FMN2: variants seen among roughly 807,000 people sequenced by gnomAD.
FMN2 encodes the protein formin 2, also known as formin-2.
A neutral mutation model predicts 142.3 loss-of-function variants in FMN2; 51 were observed. The observed-to-expected ratio is 0.36, with a 90% CI of 0.29 to 0.45. The LOEUF is 0.45. Ranked by LOEUF, FMN2 falls within the 20% of genes least tolerant of loss-of-function variation. The pLI is 1.00. For synonymous variants in FMN2, 882 were observed against 869.8 expected, an observed-to-expected ratio of 1.01 and a Z score of -0.25; for missense variants, 1,936 against 2,122.8, an observed-to-expected ratio of 0.91 and a Z score of 1.73.
chr1:240,356,150 T>C (rs1672265578), intron 14 of FMN2, among the ~76,000 whole-genome samples: 1 of 152,152 alleles, frequency 6.6e-6, no homozygotes, highest in Non-Finnish European at 1.5e-5. Flanking sequence ...GTTTGTTTGC[T>C]TGCATGACAG....
At chr1:240,441,145 C>T (rs1023736773) in intron 16 of FMN2, among the ~76,000 whole-genome samples, 12 of 151,996 alleles carry the variant, frequency 7.9e-5, no homozygotes, top group African/African-American at 2.9e-4. Context: ...CAGGTGCCCG[C>T]CTCCATGCCC....
In FMN2 at chr1:240,091,968, G is replaced by T; in HGVS notation, c.-142G>T. The T allele has an allele frequency of 7.6e-7, 1 of 1,322,146 alleles. No homozygotes were observed. Among genetic ancestry groups the T allele is most frequent in the Non-Finnish European group, 9.7e-7 (1 of 1,026,020 alleles). 81.9% of individuals were successfully genotyped at this position (1,322,146 alleles called of 1,614,324 possible). Reference sequence around the variant, plus strand: ...CAGATGCGAGCGGGGCCAGCCGGGCGCGCGTCGGCCTCCCCTCCCAGCGGC... The same window carrying T: ...CAGATGCGAGCGGGGCCAGCCGGGCTCGCGTCGGCCTCCCCTCCCAGCGGC... On this transcript the variant is annotated 5_prime_UTR_variant, in exon 1 of 18. Coordinates refer to ENST00000319653, the MANE Select transcript of FMN2 (RefSeq NM_020066.5).
At chr1:240,417,431 GGTTTT>G (rs927599024) in intron 15 of FMN2, among the ~76,000 whole-genome samples, 6 of 151,624 alleles carry the variant, frequency 4.0e-5, no homozygotes, top group Admixed American at 6.6e-5. Context: ...AGCTTGAGAG[GGTTTT>G]GTTTTGTTTT....
chr1:240,193,248 T>C (rs1665780820), intron 4 of FMN2, among the ~76,000 whole-genome samples: 1 of 152,190 alleles, frequency 6.6e-6, no homozygotes, highest in South Asian at 2.1e-4. Context: ...TTGTCCTTTA[T>C]TGAACATCTG....
intron 6 of FMN2, among the ~76,000 whole-genome samples, chr1:240,217,896 A>C (rs1235602618): frequency 6.6e-6 from 1 of 152,132 alleles, no homozygotes; most frequent in African/African-American, 2.4e-5. Flanking sequence ...ATATTAGGGA[A>C]ATTATATTTA....
At chr1:240,231,775 T>A (rs1558382577) in intron 6 of FMN2, among the ~76,000 whole-genome samples, 1 of 152,254 alleles carries the variant, frequency 6.6e-6, no homozygotes, top group Non-Finnish European at 1.5e-5. Context: ...GGGTTTATGT[T>A]ATTTAATAAA....
intron 15 of FMN2, among the ~76,000 whole-genome samples, chr1:240,431,425 C>CAT (rs1675172292): frequency 2.9e-4 from 36 of 122,668 alleles, no homozygotes; most frequent in African/African-American, 1.3e-3. Context: ...TATATATATA[C>CAT]ATATATATAC....
intron 1 of FMN2, among the ~76,000 whole-genome samples, chr1:240,105,289 G>C (rs1661566588): frequency 6.6e-6 from 1 of 151,208 alleles, no homozygotes; most frequent in Admixed American, 6.6e-5. Context: ...TTGTATCTTT[G>C]GTAGAGATTG....
At chr1:240,455,054 C>A (rs555884050) in intron 16 of FMN2, among the ~76,000 whole-genome samples, 100 of 150,562 alleles carry the variant, frequency 6.6e-4, no homozygotes, top group African/African-American at 2.3e-3. Context: ...AAAAAAAAGT[C>A]AAATCACTCA....
At chr1:240,098,676 C>T (rs1363400299) in intron 1 of FMN2, among the ~76,000 whole-genome samples, 2 of 152,136 alleles carry the variant, frequency 1.3e-5, no homozygotes, top group African/African-American at 2.4e-5. Context: ...GCGATGTAAG[C>T]GGGGACCAGA....
intron 14 of FMN2, among the ~76,000 whole-genome samples, chr1:240,367,243 G>C (rs1358762395): frequency 6.6e-6 from 1 of 152,094 alleles, no homozygotes; most frequent in Non-Finnish European, 1.5e-5. Flanking sequence ...ATGCCATTGT[G>C]AGTCTTTTGG....
chr1:240,432,632 TTCTC>T (rs1228092760), intron 15 of FMN2, among the ~76,000 whole-genome samples: 2 of 152,056 alleles, frequency 1.3e-5, no homozygotes, highest in African/African-American at 2.4e-5. Context: ...AAAGTTCAAT[TTCTC>T]TCTAAGTACT....
chr1:240,243,085 T>TA (rs1667965894), intron 6 of FMN2, among the ~76,000 whole-genome samples: 1 of 151,742 alleles, frequency 6.6e-6, no homozygotes, highest in African/African-American at 2.4e-5. Flanking sequence ...GAGAATACGG[T>TA]AGTGTAAGTA....
At chr1:240,123,519 A>AG (rs1553327816) in intron 2 of FMN2, among the ~76,000 whole-genome samples, 174 bp downstream of exon 2, 2,165 of 150,930 alleles carry the variant, frequency 0.014, 63 homozygotes, top group African/African-American at 0.05. Context: ...AAAAAAAAAA[A>AG]AAAGAAAGAA....
Position 240,093,345 on chromosome 1 carries a change from G to C in FMN2, c.1236G>C (p.Pro412=), listed in dbSNP as rs753796609. 6.2e-7 allele frequency: 1 copy of C among 1,612,682 alleles called. No homozygotes were observed. The highest frequency in any genetic ancestry group is 8.5e-7 in the Non-Finnish European group (1 of 1,179,468). ...APSQRCFKPY[P]LITPCYIKTT... ...GCCAGCGCTGTTTCAAGCCCTACCC[G>C]CTCATCACCCCCTGCTACATCAAGA... The change falls in exon 1 of 18, where the codon CCG becomes CCC. Residue 412 remains proline (P), a synonymous_variant. Transcript: ENST00000319653.
intron 16 of FMN2, among the ~76,000 whole-genome samples, chr1:240,463,305 T>C (rs1230164197): frequency 1.3e-5 from 2 of 152,148 alleles, no homozygotes; most frequent in African/African-American, 4.8e-5. Context: ...CAGAACTTGT[T>C]AACTCTTTGC....
intron 7 of FMN2, among the ~76,000 whole-genome samples, chr1:240,284,444 A>T (rs893911039): frequency 6.6e-6 from 1 of 152,134 alleles, no homozygotes; most frequent in Non-Finnish European, 1.5e-5. Flanking sequence ...ACTCAAAGAT[A>T]TTGGAATTCA....
At chr1:240,212,812 G>A (rs1205440293) in intron 6 of FMN2, among the ~76,000 whole-genome samples, 1 of 152,202 alleles carries the variant, frequency 6.6e-6, no homozygotes, top group African/African-American at 2.4e-5. Flanking sequence ...ATTGAGAAGA[G>A]TCAGGCAGCC....
At chr1:240,121,579 CG>C (rs1662250857) in intron 1 of FMN2, among the ~76,000 whole-genome samples, 2 of 150,032 alleles carry the variant, frequency 1.3e-5, no homozygotes, top group Admixed American at 1.3e-4. Context: ...TTAGTAGAGA[CG>C]GGGTTTCACC....
Sources: gnomAD v4.1 joint callset for allele counts (sites outside exome capture counted in the v4.1 genomes callset) on GRCh38, gnomAD v4.1.1 for gene constraint, MANE v1.5 for transcripts, NCBI Gene and HGNC (gene_info 2026-07-23, HGNC 2026-07-21) for gene names.